PCNT: variants seen among roughly 807,000 people sequenced by gnomAD.
PCNT encodes pericentrin, also known as kendrin.
Under a neutral mutation model 380.4 loss-of-function variants are expected in PCNT, and 319 were observed. The ratio of observed to expected loss-of-function variants is 0.84; its 90% CI spans 0.77 to 0.92. PCNT has a LOEUF of 0.92. PCNT is among the 40% of genes least tolerant of loss of function. PCNT has a pLI of 0.00. For synonymous variants in PCNT, 1,845 were observed against 1,735.2 expected (o/e 1.06, Z -1.57); for missense variants, 4,400 against 4,255.3 (o/e 1.03, Z -0.95).
At chr21:46,385,392 T>C (rs1601918621) in intron 16 of PCNT, among the ~76,000 whole-genome samples, 1 of 152,200 alleles carries the variant, frequency 6.6e-6, no homozygotes, top group East Asian at 1.9e-4. Flanking sequence ...CAACTGACTT[T>C]TGTGAATGAC....
At chr21:46,324,460 C>G (rs2146189886) in intron 1 of PCNT, among the ~76,000 whole-genome samples, 178 bp downstream of exon 1, 1 of 151,720 alleles carries the variant, frequency 6.6e-6, no homozygotes, top group South Asian at 2.1e-4. Flanking sequence ...CATCTTGAAT[C>G]CGCCGCTCTC....
rs981076771 is a variant in PCNT at position 46,399,689 on chromosome 21, G to C, written c.4684G>C (p.Glu1562Gln). The C allele has an allele frequency of 8.1e-6, 13 of 1,613,728 alleles. No homozygotes were observed. Among genetic ancestry groups the C allele is most frequent in the African/African-American group, 1.3e-5 (1 of 74,916 alleles). The change falls in exon 25 of 47, where the codon GAA (glutamate) becomes CAA (glutamine). Residue 1562 changes from glutamate to glutamine, a missense_variant. Physicochemically the swap from Glu to Gln is conservative, Grantham distance 29. Transcript: ENST00000359568. ...AGATAGACAAGTGTTAATGCAGGAA[G>C]AAGAAATTAAACGTCTGGAGGAGAT... Reference protein sequence around the residue: ...SADRQVLMQEEEIKRLEEMNI... With the variant: ...SADRQVLMQEQEIKRLEEMNI...
intron 30 of PCNT, 118 bp downstream of exon 30, chr21:46,416,957 TG>T: frequency 1.0e-6 from 1 of 959,788 alleles, no homozygotes. Flanking sequence ...CAGTGCTGTG[TG>T]GGGCCAGCTC....
rs773032582 is a variant in PCNT at position 46,412,021 on chromosome 21, A to T, written c.5948A>T (p.Glu1983Val). The change falls in exon 28 of 47, where the codon GAG (glutamate) becomes GTG (valine). Residue 1983 changes from glutamate to valine, a missense_variant. Coordinates refer to ENST00000359568, the MANE Select transcript of PCNT (RefSeq NM_006031.6). ...GAKAQVTGDVEASHDAALEPV... is the reference protein window; with the variant it reads ...GAKAQVTGDVVASHDAALEPV... Reference sequence around the variant, plus strand: ...AAGGCCCAGGTCACCGGCGACGTGGAGGCCTCCCATGATGCTGCTTTGGAG... The same window carrying T: ...AAGGCCCAGGTCACCGGCGACGTGGTGGCCTCCCATGATGCTGCTTTGGAG... 6 of 1,608,216 alleles carry T rather than the reference A, an allele frequency of 3.7e-6. No individual in the cohort carries two copies. Among genetic ancestry groups the T allele is most frequent in the Admixed American group, 1.7e-5 (1 of 60,014 alleles).
chr21:46,424,424 T>A (rs927000816), intron 32 of PCNT, among the ~76,000 whole-genome samples: 6 of 152,178 alleles, frequency 3.9e-5, no homozygotes, highest in African/African-American at 1.4e-4. Context: ...CCCCCCAGGC[T>A]GCCTCACAGG....
chr21:46,345,363 G>A (rs1474242613), intron 3 of PCNT, among the ~76,000 whole-genome samples: 1 of 152,004 alleles, frequency 6.6e-6, no homozygotes, highest in Admixed American at 6.6e-5. Flanking sequence ...GACTACAGGT[G>A]CCCGCCACCA....
intron 1 of PCNT, among the ~76,000 whole-genome samples, chr21:46,325,448 C>T (rs1158407904): frequency 6.6e-6 from 1 of 152,178 alleles, no homozygotes; most frequent in Non-Finnish European, 1.5e-5. Flanking sequence ...CAGACCAGGT[C>T]TGTGCTATAT....
chr21:46,380,216 C>T (rs2085479220), intron 15 of PCNT, among the ~76,000 whole-genome samples: 3 of 124,388 alleles, frequency 2.4e-5, no homozygotes, highest in African/African-American at 9.3e-5. Flanking sequence ...GGCTAGAGTG[C>T]AGTGGCGCAA....
intron 3 of PCNT, among the ~76,000 whole-genome samples, chr21:46,336,502 G>A (rs1235941998): frequency 6.6e-6 from 1 of 152,194 alleles, no homozygotes; most frequent in African/African-American, 2.4e-5. Context: ...TCCGTGGGGA[G>A]CCCCTTCAGG....
At chr21:46,384,009 C>T (rs1569230918) in intron 16 of PCNT, among the ~76,000 whole-genome samples, 1 of 144,956 alleles carries the variant, frequency 6.9e-6, no homozygotes, top group Non-Finnish European at 1.5e-5. Context: ...GGCGGAAGCG[C>T]ATTCACAGTG....
At chr21:46,412,810 C>T (rs977720169) in intron 28 of PCNT, 27 bp from the exon 29 acceptor site, 33 of 1,607,668 alleles carry the variant, frequency 2.1e-5, no homozygotes, top group East Asian at 1.8e-4. Flanking sequence ...CCTGCATGCT[C>T]AGCTTTCCTC....
intron 10 of PCNT, 34 bp from the exon 11 acceptor site, chr21:46,353,953 T>C (rs1761894992): frequency 6.4e-7 from 1 of 1,568,152 alleles, no homozygotes; most frequent in South Asian, 1.1e-5. Flanking sequence ...AAGGGGTACG[T>C]GTGTAAAGCT....
At chr21:46,373,761 C>T (rs1326966055) in intron 15 of PCNT, among the ~76,000 whole-genome samples, 5 of 123,608 alleles carry the variant, frequency 4.0e-5, no homozygotes, top group Non-Finnish European at 6.5e-5. Context: ...GGCGGAGTCT[C>T]GCTCTGTCGC....
chr21:46,441,129 G>A (rs756709747), intron 43 of PCNT, 45 bp downstream of exon 43: 7 of 1,183,044 alleles, frequency 5.9e-6, no homozygotes, highest in African/African-American at 3.0e-5. Flanking sequence ...GTCTGTCTCC[G>A]TGAGTGGGCA....
At chr21:46,360,732 A>G (rs954625411) in intron 13 of PCNT, among the ~76,000 whole-genome samples, 15 of 151,176 alleles carry the variant, frequency 9.9e-5, no homozygotes, top group Admixed American at 6.6e-5. Context: ...GTTAGCCAGG[A>G]TGGTCTCAAT....
chr21:46,376,755 C>T (rs754323485), intron 15 of PCNT, among the ~76,000 whole-genome samples: 17 of 152,214 alleles, frequency 1.1e-4, no homozygotes, highest in Non-Finnish European at 2.1e-4. Flanking sequence ...CCCCAGGAGA[C>T]GCACTGCTGA....
chr21:46,436,479 C>G lies in PCNT; in HGVS notation c.8996+331C>G, dbSNP rs1448579676. On this transcript the variant is annotated intron_variant, in intron 39 of 46. Transcript: ENST00000359568. Reference sequence around the variant, plus strand: ...TTTGGAGCCTCCTGTGGCCCCCCCCCCCCCCCCCCGCTGGCACTGCCCAGT... The same window carrying G: ...TTTGGAGCCTCCTGTGGCCCCCCCCGCCCCCCCCCGCTGGCACTGCCCAGT... 3.9e-5 allele frequency among the ~76,000 whole-genome samples: 3 copies of G among 76,102 alleles called. 1 individual carries two copies. The highest frequency in any genetic ancestry group is 1.1e-3 in the South Asian group (2 of 1,742). 49.9% of individuals were successfully genotyped at this position (76,102 alleles called of 152,430 possible).
At chr21:46,336,095 G>T (rs1331063411) in intron 3 of PCNT, among the ~76,000 whole-genome samples, 1 of 152,154 alleles carries the variant, frequency 6.6e-6, no homozygotes, top group Admixed American at 6.5e-5. Flanking sequence ...TTCTGCCTCA[G>T]CCTCCCAAGT....
In PCNT at chr21:46,349,796, G is replaced by A; in HGVS notation, c.1320G>A (p.Glu440=). ...CLEDLEFKFK[E]SEKEKQLELE... ...AAGACTTGGAGTTCAAGTTCAAAGA[G>A]AGCGAGAAAGAAAAACAGCTGGAGG... Residue 440 remains glutamate, a synonymous_variant, in exon 8 of 47, where the codon GAG becomes GAA. Coordinates refer to ENST00000359568, the MANE Select transcript of PCNT (RefSeq NM_006031.6). 6.2e-7 allele frequency: 1 copy of A among 1,614,208 alleles called. No individual in the cohort carries two copies. Among genetic ancestry groups the A allele is most frequent in the Non-Finnish European group, 8.5e-7 (1 of 1,180,026 alleles).
Sources: gnomAD v4.1 joint callset for allele counts (sites outside exome capture counted in the v4.1 genomes callset) on GRCh38, gnomAD v4.1.1 for gene constraint, MANE v1.5 for transcripts, NCBI Gene and HGNC (gene_info 2026-07-23, HGNC 2026-07-21) for gene names.